The following IQUB variants were observed in gnomAD, a reference collection of about 807,000 sequenced individuals.
IQUB encodes the protein IQ motif and ubiquitin-like domain-containing protein.
Under a neutral mutation model 86.4 loss-of-function variants are expected in IQUB, and 86 were observed. The observed-to-expected ratio is 1.00, with a 90% CI of 0.84 to 1.19. The LOEUF (loss-of-function observed/expected upper bound fraction) is 1.19, where lower values mean the gene tolerates loss of function less well. Ranked by LOEUF, IQUB falls within the 50% of genes most tolerant of loss-of-function variation. The pLI is 0.00. For synonymous variants in IQUB, 289 were observed against 304.5 expected, an observed-to-expected ratio of 0.95 and a Z score of 0.53; for missense variants, 946 against 916.9, an observed-to-expected ratio of 1.03 and a Z score of -0.41.
chr7:123,496,876 A>G lies in IQUB; in HGVS notation c.1054T>C (p.Trp352Arg). 2 of 1,611,866 alleles carry G rather than the reference A, an allele frequency of 1.2e-6. No homozygotes were observed. Among genetic ancestry groups the G allele is most frequent in the African/African-American group, 2.7e-5 (2 of 74,966 alleles). ...TTCTCTACGAAGATTTTAGCATGCC[A>G]TTGCCTGTAGTAAGTCTGTATCACT... is the stretch of plus-strand genomic sequence containing the variant. Reference protein sequence around the residue: ...VIVIQTYYRQWHAKIFVENLR... With the variant: ...VIVIQTYYRQRHAKIFVENLR... Residue 352 changes from tryptophan (W) to arginine (R), a missense_variant, in exon 7 of 13, where the codon TGG becomes CGG. Transcript: ENST00000324698.
chr7:123,464,927 T>C lies in IQUB; in HGVS notation c.1664A>G (p.His555Arg), dbSNP rs1177968313. The C allele has an allele frequency of 1.9e-6, 3 of 1,605,976 alleles. No homozygotes were observed. The highest frequency in any genetic ancestry group is 1.7e-5 in the Admixed American group (1 of 58,860). ...VDLMMRGVKH[H>R]NLEGLRKRIA... ...TCTTTTTCTGAGTCCTTCAAGGTTA[T>C]GATGTTTGACTCCTCTCATCATAAG... The change falls in exon 10 of 13, where the codon CAT becomes CGT. Residue 555 changes from histidine (H) to arginine (R), a missense_variant. Transcript: ENST00000324698.
intron 1 of IQUB, among the ~76,000 whole-genome samples, chr7:123,526,234 T>C (rs1294176470): frequency 6.6e-6 from 1 of 152,194 alleles, no homozygotes; most frequent in Non-Finnish European, 1.5e-5. Flanking sequence ...GGTGCAGAGC[T>C]GAGTTCAATT....
At position 123,478,153 on chromosome 7, in the gene IQUB, C is replaced by T. The variant is rs543347213; in HGVS notation, c.1410+1642G>A. Among the ~76,000 whole-genome samples the T allele has an allele frequency of 4.6e-5, 7 of 152,198 alleles. No homozygotes were observed. In the South Asian group the frequency reaches 6.2e-4, roughly 14 times the overall value. ...GACACATGCACATGTATGTTTATTG[C>T]GGCACTCTTCACAATAGCAAAAACT... On this transcript the variant is annotated intron_variant, in intron 8 of 12. Coordinates refer to ENST00000324698, the MANE Select transcript of IQUB (RefSeq NM_178827.5).
At chr7:123,492,649 C>CCT (rs1407515535) in intron 7 of IQUB, among the ~76,000 whole-genome samples, 1 of 152,138 alleles carries the variant, frequency 6.6e-6, no homozygotes, top group African/African-American at 2.4e-5. Flanking sequence ...CACACCCTCA[C>CCT]CTCTCAGTTC....
At position 123,460,247 on chromosome 7, in the gene IQUB, A is replaced by G. The variant is rs1244415534; in HGVS notation, c.2007+1110T>C. Among the ~76,000 whole-genome samples the G allele has an allele frequency of 2.0e-5, 3 of 151,930 alleles. 1 individual carries two copies. Among genetic ancestry groups the G allele is most frequent in the Non-Finnish European group, 4.4e-5 (3 of 67,914 alleles). On this transcript the variant is annotated intron_variant, in intron 11 of 12. Coordinates refer to ENST00000324698, the MANE Select transcript of IQUB (RefSeq NM_178827.5). ...ATAGGATTTTTGTGCTGATTAACTC[A>G]ATAAAGTGTGTAAAGCCATATAGGT...
In IQUB at chr7:123,511,233, G is replaced by A. The variant is rs188670987; in HGVS notation, c.397+711C>T. ...TTATTGTTGTTAAATCATGGCTCAT[G>A]TTCTCCACTCTGTAGGCAGAAACTC... On this transcript the variant is annotated intron_variant, in intron 2 of 12. Coordinates refer to ENST00000324698, the MANE Select transcript of IQUB (RefSeq NM_178827.5). Among the ~76,000 whole-genome samples, 116 of 152,182 alleles carry A rather than the reference G, an allele frequency of 7.6e-4. 1 individual carries two copies. The highest frequency in any genetic ancestry group is 7.2e-3 in the Admixed American group (110 of 15,262).
chr7:123,498,975 TAAG>T (rs1795826243), intron 6 of IQUB, among the ~76,000 whole-genome samples: 2 of 152,076 alleles, frequency 1.3e-5, no homozygotes, highest in African/African-American at 4.8e-5. Flanking sequence ...GTGTAGAACA[TAAG>T]AAGTAATAAG....
chr7:123,527,153 T>A (rs371447761), intron 1 of IQUB, among the ~76,000 whole-genome samples: 2 of 152,288 alleles, frequency 1.3e-5, no homozygotes, highest in East Asian at 3.9e-4. Context: ...CGAGCCTTGG[T>A]TTTCAGCTCC....
At chr7:123,522,021 A>C (rs1796928762) in intron 1 of IQUB, among the ~76,000 whole-genome samples, 1 of 152,116 alleles carries the variant, frequency 6.6e-6, no homozygotes, top group African/African-American at 2.4e-5. Flanking sequence ...TTGTTGAAAG[A>C]AGCAATCGGC....
At chr7:123,499,283 T>C (rs1795840855) in intron 6 of IQUB, among the ~76,000 whole-genome samples, 1 of 152,022 alleles carries the variant, frequency 6.6e-6, no homozygotes, top group South Asian at 2.1e-4. Flanking sequence ...CTAATTCTTG[T>C]ATTTTTAGTA....
chr7:123,531,855 C>T (rs1584671188), intron 1 of IQUB, among the ~76,000 whole-genome samples: 1 of 152,324 alleles, frequency 6.6e-6, no homozygotes, highest in South Asian at 2.1e-4. Flanking sequence ...ACAATAACCA[C>T]ATGGTTAAAC....
chr7:123,492,863 G>T (rs1381627390), intron 7 of IQUB, among the ~76,000 whole-genome samples: 1 of 152,086 alleles, frequency 6.6e-6, no homozygotes, highest in African/African-American at 2.4e-5. Flanking sequence ...GGATAATCTA[G>T]CTGTTCACTT....
At chr7:123,485,103 C>T (rs1795163768) in intron 7 of IQUB, among the ~76,000 whole-genome samples, 1 of 152,108 alleles carries the variant, frequency 6.6e-6, no homozygotes, top group African/African-American at 2.4e-5. Context: ...TGCTATATTA[C>T]TTTACTAGGG....
chr7:123,508,249 C>T (rs942798347), intron 3 of IQUB, among the ~76,000 whole-genome samples: 1 of 152,228 alleles, frequency 6.6e-6, no homozygotes, highest in African/African-American at 2.4e-5. Flanking sequence ...GAATCAGATT[C>T]TCTTCTGGAT....
At chr7:123,500,928 T>C (rs1795916471) in intron 6 of IQUB, 1 of 152,226 alleles carries the variant, frequency 6.6e-6, no homozygotes, top group Admixed American at 6.5e-5. Context: ...GTTTGGAAAA[T>C]GACAGAAATT....
intron 10 of IQUB, among the ~76,000 whole-genome samples, chr7:123,464,434 G>A (rs1453483433): frequency 1.3e-5 from 2 of 151,906 alleles, no homozygotes; most frequent in Non-Finnish European, 1.5e-5. Flanking sequence ...CTCCCTGTGA[G>A]GCCTCATGAA....
At chr7:123,531,163 T>G (rs1437210939) in intron 1 of IQUB, among the ~76,000 whole-genome samples, 6 of 152,150 alleles carry the variant, frequency 3.9e-5, no homozygotes, top group Non-Finnish European at 5.9e-5. Flanking sequence ...AGTCTTTGTA[T>G]CCTATCACAC....
intron 12 of IQUB, among the ~76,000 whole-genome samples, chr7:123,454,660 T>C (rs1793608389): frequency 6.6e-6 from 1 of 152,150 alleles, no homozygotes; most frequent in Non-Finnish European, 1.5e-5. Context: ...TCTTTGGGTG[T>C]ACAAATAGTT....
At chr7:123,488,198 G>A (rs368404748) in intron 7 of IQUB, among the ~76,000 whole-genome samples, 49 of 151,832 alleles carry the variant, frequency 3.2e-4, no homozygotes, top group South Asian at 6.2e-4. Context: ...AAAATTATCC[G>A]GGCGCGGTGG....
Sources: gnomAD v4.1 joint callset for allele counts (sites outside exome capture counted in the v4.1 genomes callset) on GRCh38, gnomAD v4.1.1 for gene constraint, MANE v1.5 for transcripts, NCBI Gene and HGNC (gene_info 2026-07-23, HGNC 2026-07-21) for gene names.